The following NTM variants were observed in gnomAD, a reference collection of about 807,000 sequenced individuals.
NTM encodes the protein neurotrimin, also known as IgLON family member 2.
NTM carries 13 observed loss-of-function variants against 42.1 expected under a neutral mutation model. That is an observed-to-expected ratio of 0.31 (90% confidence interval 0.20 to 0.49). The LOEUF (loss-of-function observed/expected upper bound fraction) is 0.49, where lower values mean the gene tolerates loss of function less well. NTM is among the 20% of genes least tolerant of loss of function. The pLI is 0.99. For synonymous variants in NTM, 187 were observed against 179.2 expected, an observed-to-expected ratio of 1.04 and a Z score of -0.35; for missense variants, 373 against 452.8, an observed-to-expected ratio of 0.82 and a Z score of 1.60.
At chr11:131,997,810 G>C (rs118122947) in intron 2 of NTM, among the ~76,000 whole-genome samples, 235 of 152,246 alleles carry the variant, frequency 1.5e-3, no homozygotes, top group Non-Finnish European at 3.0e-3. Context: ...GACCCTGTTA[G>C]CTATGAGGCT....
intron 1 of NTM, among the ~76,000 whole-genome samples, chr11:131,642,018 C>A (rs562674987): frequency 3.9e-5 from 6 of 152,270 alleles, no homozygotes; most frequent in Admixed American, 6.5e-5. Flanking sequence ...AGCCACTGTG[C>A]CCGGCCCCAA....
chr11:132,315,519 A>AT (rs780828519), intron 7 of NTM, among the ~76,000 whole-genome samples: 5 of 152,172 alleles, frequency 3.3e-5, no homozygotes, highest in South Asian at 2.1e-4. Flanking sequence ...TGAGCTTGAG[A>AT]TTTTTCAAAC....
At chr11:132,106,553 C>T (rs1433768710) in intron 2 of NTM, among the ~76,000 whole-genome samples, 1 of 152,246 alleles carries the variant, frequency 6.6e-6, no homozygotes, top group African/African-American at 2.4e-5. Flanking sequence ...AAACAAAGTA[C>T]CCAGCAGGAG....
At chr11:132,295,186 A>G (rs895558978) in intron 4 of NTM, among the ~76,000 whole-genome samples, 1 of 152,108 alleles carries the variant, frequency 6.6e-6, no homozygotes, top group Non-Finnish European at 1.5e-5. Context: ...AAAACCTTAA[A>G]AAATATACCC....
chr11:131,519,125 G>T (rs370972025), intron 1 of NTM, among the ~76,000 whole-genome samples: 3 of 152,182 alleles, frequency 2.0e-5, no homozygotes, highest in African/African-American at 7.2e-5. Flanking sequence ...AATCAGATGC[G>T]CTCTCCTCAG....
intron 1 of NTM, among the ~76,000 whole-genome samples, chr11:131,398,300 T>C (rs572827579): frequency 6.6e-6 from 1 of 152,050 alleles, no homozygotes; most frequent in Non-Finnish European, 1.5e-5. Context: ...ATGTATTTTG[T>C]TTAGCTTAAG....
chr11:131,695,753 A>C (rs1204111938), intron 1 of NTM, among the ~76,000 whole-genome samples: 1 of 152,228 alleles, frequency 6.6e-6, no homozygotes, highest in Admixed American at 6.5e-5. Flanking sequence ...GAGGTCTTAC[A>C]TGGACGTTTC....
At chr11:131,526,695 T>C (rs1013361031) in intron 1 of NTM, among the ~76,000 whole-genome samples, 3 of 152,068 alleles carry the variant, frequency 2.0e-5, no homozygotes, top group Non-Finnish European at 4.4e-5. Flanking sequence ...CAATAGTATA[T>C]TGGGGGCAGG....
chr11:131,526,844 A>C (rs405585), intron 1 of NTM, among the ~76,000 whole-genome samples: 5 of 152,062 alleles, frequency 3.3e-5, no homozygotes, highest in Non-Finnish European at 7.4e-5. Context: ...GGGTGTGGTC[A>C]CAAAAGACTG....
chr11:132,051,207 G>A lies in NTM; in HGVS notation c.168-95075G>A, dbSNP rs146765841. Among the ~76,000 whole-genome samples, 78 of 152,260 alleles carry A rather than the reference G, an allele frequency of 5.1e-4. 3 individuals carry two copies. The highest frequency in any genetic ancestry group is 1.9e-3 in the South Asian group (9 of 4,824). On this transcript the variant is annotated intron_variant, in intron 2 of 8. Transcript: ENST00000683400. ...CCTTTATTTATTTGTAACATATGACGATGATTTTTTTTTATGCCAGACACC... is the reference window on the plus strand; with the variant it reads ...CCTTTATTTATTTGTAACATATGACAATGATTTTTTTTTATGCCAGACACC...
intron 2 of NTM, among the ~76,000 whole-genome samples, chr11:132,034,022 A>C (rs2076227355): frequency 6.6e-6 from 1 of 152,216 alleles, no homozygotes. Context: ...GGAGACAGTG[A>C]CCTTAAGATG....
intron 4 of NTM, among the ~76,000 whole-genome samples, chr11:132,283,606 G>A (rs1228808529): frequency 1.3e-5 from 2 of 152,124 alleles, no homozygotes; most frequent in African/African-American, 2.4e-5. Context: ...AAAAATATTT[G>A]CATCATGGTT....
Position 131,577,874 on chromosome 11 carries a change from G to A in NTM, c.82+206986G>A, listed in dbSNP as rs117266125. 6.8e-4 allele frequency among the ~76,000 whole-genome samples: 104 copies of A among 152,322 alleles called. No individual in the cohort carries two copies. The East Asian group carries it at 0.017, about 25-fold the overall frequency. On this transcript the variant is annotated intron_variant, in intron 1 of 8. Transcript: ENST00000683400. ...TGACAGTATTCTCCAGGGAAATGTA[G>A]TGAATTGGTATTTCAGGAAGGCATT...
At chr11:131,693,254 T>G (rs2075015731) in intron 1 of NTM, among the ~76,000 whole-genome samples, 1 of 152,176 alleles carries the variant, frequency 6.6e-6, no homozygotes. Context: ...TGCTTTCCTC[T>G]TTCTTAGTTG....
chr11:131,914,575 A>C (rs1048890216), intron 2 of NTM, among the ~76,000 whole-genome samples: 1 of 152,240 alleles, frequency 6.6e-6, no homozygotes, highest in African/African-American at 2.4e-5. Flanking sequence ...AATGCTCAGC[A>C]GAAGATTCTA....
intron 4 of NTM, among the ~76,000 whole-genome samples, chr11:132,306,691 C>G (rs1472384139): frequency 6.6e-6 from 1 of 152,170 alleles, no homozygotes; most frequent in Non-Finnish European, 1.5e-5. Flanking sequence ...ACCTCATTTC[C>G]TTTTAAAGGT....
intron 1 of NTM, among the ~76,000 whole-genome samples, chr11:131,792,137 A>G (rs1483365205): frequency 6.6e-6 from 1 of 152,200 alleles, no homozygotes; most frequent in Admixed American, 6.5e-5. Context: ...AATACAGTGG[A>G]AAATGTGTAA....
intron 2 of NTM, among the ~76,000 whole-genome samples, chr11:132,081,791 G>A (rs1002248249): frequency 4.0e-5 from 6 of 151,274 alleles, no homozygotes; most frequent in African/African-American, 1.5e-4. Context: ...TGAAGTAATA[G>A]CTTTCAAAGT....
chr11:131,580,694 C>T lies in NTM; in HGVS notation c.82+209806C>T, dbSNP rs189202589. 7.9e-5 allele frequency among the ~76,000 whole-genome samples: 12 copies of T among 152,310 alleles called. No homozygotes were observed. In the East Asian group the frequency reaches 2.1e-3, roughly 27 times the overall value. On this transcript the variant is annotated intron_variant, in intron 1 of 8. Coordinates refer to ENST00000683400, the MANE Select transcript of NTM (RefSeq NM_001352005.2). ...TGGTTGCCCCTGATCTCAAAGCCGA[C>T]AGTGGGTGGTAGACTTCCTTTTCTG...
Sources: allele counts gnomAD v4.1 joint callset (sites outside exome capture counted in the v4.1 genomes callset), GRCh38; gene constraint gnomAD v4.1.1; transcripts MANE v1.5; gene names NCBI Gene and HGNC (gene_info 2026-07-23, HGNC 2026-07-21).